TUBGCP5: variants seen among roughly 807,000 people sequenced by gnomAD.
The protein encoded by TUBGCP5 is gamma-tubulin complex component 5.
TUBGCP5 carries 98 observed loss-of-function variants against 134.7 expected under a neutral mutation model. The ratio of observed to expected loss-of-function variants is 0.73; its 90% confidence interval spans 0.62 to 0.86. The LOEUF (loss-of-function observed/expected upper bound fraction) is 0.86. Ranked by LOEUF, TUBGCP5 falls within the 40% of genes least tolerant of loss-of-function variation. The pLI is 0.00. For missense variants in TUBGCP5, 1,150 were observed against 1,244.8 expected (o/e 0.92, Z 1.15); for synonymous variants, 456 against 431.4 (o/e 1.06, Z -0.71).
chr15:23,039,428 AGCT>A lies in TUBGCP5; in HGVS notation c.113_115del (p.Gln38del). The stretch of plus-strand genomic sequence containing the variant: ...GTTGGACCAGGCGAAGTTTAGGGCG[AGCT>A]GGAAGTTGGGGTCTGCCTCGTCCTG... On this transcript the variant is annotated inframe_deletion, in exon 1 of 23. Transcript: ENST00000615383. The A allele has an allele frequency of 6.5e-7, 1 of 1,529,640 alleles. No individual in the cohort carries two copies. Among genetic ancestry groups the A allele is most frequent in the East Asian group, 2.6e-5 (1 of 38,388 alleles). 94.8% of individuals were successfully genotyped at this position (1,529,640 alleles called of 1,614,324 possible).
At chr15:23,037,078 T>A in intron 2 of TUBGCP5, 21 bp downstream of exon 2, 1 of 1,612,252 alleles carries the variant, frequency 6.2e-7, no homozygotes, top group Non-Finnish European at 8.5e-7. Context: ...TCTGGATGCG[T>A]ATATATACAC....
In TUBGCP5 at chr15:23,034,551, G is replaced by A. The variant is rs117079930; in HGVS notation, c.310-1727C>T. ...TTTTGATGGGCTCACCCAGTAGACT[G>A]GCATGAGCTTGAAAATATATCAACA... is the stretch of plus-strand genomic sequence containing the variant. On this transcript the variant is annotated intron_variant, in intron 3 of 22. Coordinates refer to ENST00000615383, the MANE Select transcript of TUBGCP5 (RefSeq NM_052903.6). Among the ~76,000 whole-genome samples the A allele has an allele frequency of 3.5e-3, 535 of 152,254 alleles. 1 individual carries two copies. The highest frequency in any genetic ancestry group is 5.9e-3 in the Non-Finnish European group (401 of 68,012).
chr15:22,991,390 C>G lies in TUBGCP5; in HGVS notation c.*61+5455G>C, dbSNP rs772331265. Among the ~76,000 whole-genome samples the G allele has an allele frequency of 3.3e-4, 50 of 152,184 alleles. 1 individual carries two copies. Among genetic ancestry groups the G allele is most frequent in the Non-Finnish European group, 4.6e-4 (31 of 68,028 alleles). ...GGATTACAGGTGTGAGCCACCATGCCCAGCCAAATTACTCTTTCTTAACTT... is the reference window on the plus strand; with the variant it reads ...GGATTACAGGTGTGAGCCACCATGCGCAGCCAAATTACTCTTTCTTAACTT... On this transcript the variant is annotated intron_variant and NMD_transcript_variant, in intron 23 of 23. Coordinates refer to the TUBGCP5 transcript ENST00000614508.
chr15:22,991,291 T>C (rs62009537), intron 23 of TUBGCP5, among the ~76,000 whole-genome samples: 32,397 of 151,970 alleles, frequency 0.21, 3,962 homozygotes, highest in South Asian at 0.27. Flanking sequence ...AGACGGGGTT[T>C]CACCATGTTG....
chr15:23,016,980 A>ATATATATATATATATATATATATG (rs2065369476), intron 13 of TUBGCP5, among the ~76,000 whole-genome samples: 1 of 144,736 alleles, frequency 6.9e-6, no homozygotes, highest in Non-Finnish European at 1.5e-5. Context: ...ATATATATAT[A>ATATATATATATATATATATATATG]TATATATGTA....
intron 13 of TUBGCP5, among the ~76,000 whole-genome samples, chr15:23,012,561 T>A (rs62009510): frequency 1.3e-5 from 2 of 152,050 alleles, no homozygotes; most frequent in Non-Finnish European, 2.9e-5. Flanking sequence ...GCCCATGCCA[T>A]CATGCCCAGC....
chr15:22,984,444 AC>A (rs1392834424), intron 23 of TUBGCP5, among the ~76,000 whole-genome samples: 1 of 151,988 alleles, frequency 6.6e-6, no homozygotes, highest in African/African-American at 2.4e-5. Context: ...ACGTGGCGAA[AC>A]CCTGTCTCTA....
intron 3 of TUBGCP5, among the ~76,000 whole-genome samples, chr15:23,036,177 G>A (rs1415954539): frequency 6.6e-6 from 1 of 152,166 alleles, no homozygotes; most frequent in Non-Finnish European, 1.5e-5. Flanking sequence ...CAGCAGCTAA[G>A]GTCAGCCATG....
downstream of TUBGCP5, among the ~76,000 whole-genome samples, chr15:22,994,548 G>A (rs556266915): frequency 1.3e-5 from 2 of 152,308 alleles, no homozygotes; most frequent in East Asian, 1.9e-4. Context: ...ACAAAGTCAT[G>A]TTTTCCTTTC....
chr15:22,983,920 G>C (rs998148303), intron 23 of TUBGCP5, among the ~76,000 whole-genome samples: 1 of 151,866 alleles, frequency 6.6e-6, no homozygotes, highest in African/African-American at 2.4e-5. Context: ...TCAGGGGTTC[G>C]AGACCAGCCT....
At chr15:23,010,993 A>G in intron 14 of TUBGCP5, 140 bp downstream of exon 14, 1 of 826,094 alleles carries the variant, frequency 1.2e-6, no homozygotes, top group Non-Finnish European at 1.9e-6. Flanking sequence ...ACAAACAAAA[A>G]AAAAAAAGGA....
In TUBGCP5 at chr15:23,027,194, G is replaced by C; in HGVS notation, c.735C>G (p.Val245=). ...AAATGAAAACTTTAGCTTCTTACCA[G>C]ACAGCAGCTAAATTAGAGTGCAAAT... ...SLHLHSNLAA[V]WDQHLYSSDP... Residue 245 remains valine (V), a splice_region_variant and synonymous_variant, in exon 7 of 23, where the codon GTC becomes GTG. Coordinates refer to ENST00000615383, the MANE Select transcript of TUBGCP5 (RefSeq NM_052903.6). The C allele has an allele frequency of 6.2e-7, 1 of 1,609,730 alleles. No homozygotes were observed. Among genetic ancestry groups the C allele is most frequent in the Non-Finnish European group, 8.5e-7 (1 of 1,177,282 alleles).
Position 23,026,173 on chromosome 15 carries a change from T to A in TUBGCP5, c.770A>T (p.Tyr257Phe), listed in dbSNP as rs2140594909. The A allele has an allele frequency of 6.2e-7, 1 of 1,612,642 alleles. No individual in the cohort carries two copies. Among genetic ancestry groups the A allele is most frequent in the Non-Finnish European group, 8.5e-7 (1 of 1,179,634 alleles). The change falls in exon 8 of 23, where the codon TAT becomes TTT. Residue 257 changes from tyrosine to phenylalanine, a missense_variant. By Grantham distance (22) the Tyr-to-Phe change is conservative (BLOSUM62 3). Around this residue, in one of 2 missense-constraint regions of TUBGCP5, gnomAD observed 453 missense variants for 394.7 expected, o/e 1.15. Transcript: ENST00000615383. ...DQHLYSSDPLYVPDDRVLVTE... is the reference protein window; with the variant it reads ...DQHLYSSDPLFVPDDRVLVTE... ...AACCAAAACCCTGTCATCTGGAACA[T>A]ACAATGGATCACTGCTGTACAAGTG...
At chr15:23,006,832 T>C (rs2140437706) in intron 16 of TUBGCP5, among the ~76,000 whole-genome samples, 1 of 152,056 alleles carries the variant, frequency 6.6e-6, no homozygotes, top group East Asian at 1.9e-4. Context: ...CTGAGACAGG[T>C]TTGAATGTGA....
intron 19 of TUBGCP5, chr15:23,004,647 A>G (rs2064598599): frequency 6.3e-6 from 1 of 158,328 alleles, no homozygotes; most frequent in Non-Finnish European, 1.4e-5. Flanking sequence ...AAATGAGTAT[A>G]AGTATACCTC....
chr15:23,027,993 C>T (rs1258349562), intron 6 of TUBGCP5, among the ~76,000 whole-genome samples: 3 of 151,998 alleles, frequency 2.0e-5, no homozygotes, highest in African/African-American at 2.4e-5. Context: ...CTATCTTATA[C>T]AAGTTGTTTG....
At chr15:23,031,682 T>A (rs1281527375) in intron 5 of TUBGCP5, among the ~76,000 whole-genome samples, 1 of 152,082 alleles carries the variant, frequency 6.6e-6, no homozygotes, top group African/African-American at 2.4e-5. Flanking sequence ...CAGGCTGGTC[T>A]CAAATTCCTA....
chr15:23,034,952 CA>C (rs975747169), intron 3 of TUBGCP5, among the ~76,000 whole-genome samples: 13 of 150,104 alleles, frequency 8.7e-5, no homozygotes, highest in Non-Finnish European at 1.8e-4. Flanking sequence ...ATACTAACCA[CA>C]AAAAAAAAGA....
Position 23,035,534 on chromosome 15 carries a change from G to A in TUBGCP5, c.309+1363C>T, listed in dbSNP as rs115615548. Among the ~76,000 whole-genome samples, 507 of 152,126 alleles carry A rather than the reference G, an allele frequency of 3.3e-3. 5 individuals are homozygous for A. Among genetic ancestry groups the A allele is most frequent in the African/African-American group, 0.012 (487 of 41,482 alleles). On this transcript the variant is annotated intron_variant, in intron 3 of 22. Coordinates refer to ENST00000615383, the MANE Select transcript of TUBGCP5 (RefSeq NM_052903.6). Reference sequence around the variant, plus strand: ...AGCATGCAACCTAGATCCCTCAAATGTGCAGTTCACAATGGGGTTTGCTCT... The same window carrying A: ...AGCATGCAACCTAGATCCCTCAAATATGCAGTTCACAATGGGGTTTGCTCT...
Sources: allele counts gnomAD v4.1 joint callset (sites outside exome capture counted in the v4.1 genomes callset), GRCh38; gene constraint gnomAD v4.1.1; regional missense constraint gnomAD v4.1.1; transcripts MANE v1.5; gene names NCBI Gene and HGNC (gene_info 2026-07-23, HGNC 2026-07-21).